TMEM131: variants seen among roughly 807,000 people sequenced by gnomAD.
The protein encoded by TMEM131 is transmembrane protein 131, also known as 2610524E03Rik.
Under a neutral mutation model 211.6 loss-of-function variants are expected in TMEM131, and 66 were observed. The observed-to-expected ratio is 0.31, with a 90% CI of 0.26 to 0.38. TMEM131 has a LOEUF of 0.38. Among genes scored for constraint, TMEM131 ranks in the 10% least tolerant of loss-of-function variants. The pLI is 1.00. For synonymous variants in TMEM131, 844 were observed against 841.3 expected, an observed-to-expected ratio of 1.00 and a Z score of -0.06; for missense variants, 2,036 against 2,299.3, an observed-to-expected ratio of 0.89 and a Z score of 2.34.
intron 39 of TMEM131, 154 bp downstream of exon 39, chr2:97,759,498 G>A: frequency 1.6e-6 from 1 of 639,342 alleles, no homozygotes; most frequent in Admixed American, 2.7e-5. Flanking sequence ...GTGGATGAGG[G>A]AGGAAGAGGG....
intron 29 of TMEM131, among the ~76,000 whole-genome samples, chr2:97,793,765 C>G (rs972811036): frequency 6.6e-6 from 1 of 151,496 alleles, no homozygotes; most frequent in South Asian, 2.1e-4. Flanking sequence ...GAGGCCGAGG[C>G]GGGTGGATCA....
chr2:97,926,099 C>T (rs957517373), intron 2 of TMEM131, among the ~76,000 whole-genome samples: 25 of 147,596 alleles, frequency 1.7e-4, no homozygotes, highest in African/African-American at 6.0e-4. Flanking sequence ...GGTGACAGTG[C>T]GAGACCCTGT....
At chr2:97,811,089 GA>G (rs1559373842) in intron 18 of TMEM131, 38 bp downstream of exon 18, 1 of 1,419,258 alleles carries the variant, frequency 7.0e-7, no homozygotes, top group Non-Finnish European at 1.0e-6. Context: ...GACTTATTCA[GA>G]AAAACCCCAC....
At chr2:97,835,614 A>T (rs760320715) in intron 8 of TMEM131, among the ~76,000 whole-genome samples, 1 of 152,204 alleles carries the variant, frequency 6.6e-6, no homozygotes, top group Admixed American at 6.5e-5. Flanking sequence ...CAAACCTTTC[A>T]GCATATTTTA....
intron 39 of TMEM131, 94 bp downstream of exon 39, chr2:97,759,558 G>A: frequency 3.7e-6 from 4 of 1,089,428 alleles, no homozygotes; most frequent in Non-Finnish European, 5.5e-6. Flanking sequence ...CCACAGTGCT[G>A]CTGTGCTGTG....
intron 5 of TMEM131, among the ~76,000 whole-genome samples, chr2:97,852,915 T>C (rs754025409): frequency 5.3e-5 from 8 of 152,260 alleles, no homozygotes; most frequent in Non-Finnish European, 1.2e-4. Context: ...GCTAAATCTA[T>C]TCTACCTGTG....
At chr2:97,843,264 T>A (rs1219006909) in intron 6 of TMEM131, among the ~76,000 whole-genome samples, 1 of 152,188 alleles carries the variant, frequency 6.6e-6, no homozygotes, top group Non-Finnish European at 1.5e-5. Context: ...AGAATAACTG[T>A]ACCTATAACA....
chr2:97,772,438 A>ATTGCTTCT lies in TMEM131; in HGVS notation c.4321-15_4321-14insAGAAGCAA. 2 of 1,608,066 alleles carry ATTGCTTCT rather than the reference A, an allele frequency of 1.2e-6. No homozygotes were observed. ...CTTTTCTGTATCCTGTAAAAAATGG[A>ATTGCTTCT]CACTTAATTGCTGAGAAGGATTAAT... On this transcript the variant is annotated splice_polypyrimidine_tract_variant and intron_variant, in intron 32 of 40. Transcript: ENST00000186436.
At chr2:97,944,843 C>A (rs565319830) in intron 1 of TMEM131, among the ~76,000 whole-genome samples, 1 of 152,026 alleles carries the variant, frequency 6.6e-6, no homozygotes, top group Admixed American at 6.5e-5. Context: ...ACATCGAAAA[C>A]GCCTAAGTCG....
At chr2:97,927,541 A>C in intron 1 of TMEM131, 54 bp from the exon 2 acceptor site, 1 of 1,408,564 alleles carries the variant, frequency 7.1e-7, no homozygotes. Context: ...TTTGATTTTC[A>C]TAACATCTTT....
In TMEM131 at chr2:97,995,456, C is replaced by G; in HGVS notation, c.187+20G>C. ...CGGGGTGACAGCCCCGCCGCAGGGA[C>G]GCCGCCGGGGGACACCCACCTTCCT... On this transcript the variant is annotated intron_variant, in intron 1 of 40. Coordinates refer to ENST00000186436, the MANE Select transcript of TMEM131 (RefSeq NM_015348.2). The G allele has an allele frequency of 7.3e-7, 1 of 1,362,794 alleles. No homozygotes were observed. The highest frequency in any genetic ancestry group is 9.5e-7 in the Non-Finnish European group (1 of 1,054,648). 84.4% of individuals were successfully genotyped at this position (1,362,794 alleles called of 1,614,324 possible).
chr2:97,910,468 T>G (rs1431752803), intron 2 of TMEM131, among the ~76,000 whole-genome samples: 3 of 152,080 alleles, frequency 2.0e-5, no homozygotes, highest in African/African-American at 7.2e-5. Flanking sequence ...CATTAAGGGG[T>G]AGAAGCAACC....
intron 18 of TMEM131, among the ~76,000 whole-genome samples, chr2:97,810,877 A>G (rs571130465): frequency 6.6e-6 from 1 of 152,348 alleles, no homozygotes; most frequent in South Asian, 2.1e-4. Context: ...TTTCTAACAA[A>G]GCAATTCTAA....
At chr2:97,905,969 CAT>C (rs1467102266) in intron 3 of TMEM131, among the ~76,000 whole-genome samples, 1 of 152,170 alleles carries the variant, frequency 6.6e-6, no homozygotes, top group African/African-American at 2.4e-5. Context: ...GGTTATAAAG[CAT>C]ATGTGTTGAT....
Position 97,919,515 on chromosome 2 carries a change from C to G in TMEM131, c.249+7911G>C, listed in dbSNP as rs1432826960. Among the ~76,000 whole-genome samples, 4 of 152,244 alleles carry G rather than the reference C, an allele frequency of 2.6e-5. No homozygotes were observed. In the East Asian group the frequency reaches 7.7e-4, roughly 29 times the overall value. On this transcript the variant is annotated intron_variant, in intron 2 of 40. Coordinates refer to ENST00000186436, the MANE Select transcript of TMEM131 (RefSeq NM_015348.2). ...AAGTCAGCTGTCAGGCTAATTCTAC[C>G]TTCTTTGAAGGTCTCTCTTTTTCTC...
intron 11 of TMEM131, among the ~76,000 whole-genome samples, chr2:97,831,658 A>G (rs889844037): frequency 1.4e-5 from 2 of 140,388 alleles, no homozygotes; most frequent in Non-Finnish European, 3.1e-5. Context: ...CATGTTTCAC[A>G]TACCTCTTTT....
intron 4 of TMEM131, among the ~76,000 whole-genome samples, chr2:97,885,397 T>C (rs1174419890): frequency 7.0e-6 from 1 of 143,652 alleles, no homozygotes; most frequent in East Asian, 1.9e-4. Context: ...GGTTTCACCA[T>C]GTTAGCCAGG....
chr2:97,867,092 G>A (rs1674303715), intron 4 of TMEM131, among the ~76,000 whole-genome samples: 1 of 152,186 alleles, frequency 6.6e-6, no homozygotes, highest in Non-Finnish European at 1.5e-5. Flanking sequence ...ACTAGTGTTT[G>A]TATTATGGAT....
chr2:97,814,102 C>A lies in TMEM131; in HGVS notation c.1486G>T (p.Glu496Ter). ...FSKPVLILPN[E>*]SGYIFTLLFM... is the part of the protein sequence containing the mutation. The stretch of plus-strand genomic sequence containing the variant: ...AGCAGGGTAAAAATGTATCCTGATT[C>A]ATTAGGAAGAATTAAGACTGGTTTG... Residue 496 changes from glutamate (E) to a stop codon, truncating the protein, a stop_gained, in exon 15 of 41, where the codon GAA becomes TAA. Transcript: ENST00000186436. LOFTEE classifies it high-confidence loss of function. The A allele has an allele frequency of 6.2e-7, 1 of 1,608,520 alleles. No homozygotes were observed. Among genetic ancestry groups the A allele is most frequent in the East Asian group, 2.2e-5 (1 of 44,808 alleles).
Sources: allele counts gnomAD v4.1 joint callset (sites outside exome capture counted in the v4.1 genomes callset), GRCh38; gene constraint gnomAD v4.1.1; transcripts MANE v1.5; gene names NCBI Gene and HGNC (gene_info 2026-07-23, HGNC 2026-07-21).